The following CEP43 variants were observed in gnomAD, a reference collection of about 807,000 sequenced individuals.
CEP43 encodes the protein FGFR1 oncogene partner.
Under a neutral mutation model 52.6 loss-of-function variants are expected in CEP43, and 36 were observed. The observed-to-expected ratio is 0.68, with a 90% confidence interval of 0.52 to 0.90. The LOEUF is 0.90. CEP43 is among the 40% of genes least tolerant of loss of function. The probability of loss-of-function intolerance (pLI) is 0.00; values close to 1 mark genes in which losing one functional copy is unlikely to be tolerated. For synonymous variants in CEP43, 192 were observed against 172.4 expected (o/e 1.11, Z -0.89); for missense variants, 506 against 472.8 (o/e 1.07, Z -0.65).
rs533799165 is a variant in CEP43, at chr6:167,049,301, T to C, written c.*9323T>C. 33 of 152,256 alleles carry C rather than the reference T, an allele frequency of 2.2e-4. No homozygotes were observed. Among genetic ancestry groups the C allele is most frequent in the Admixed American group, 6.5e-4 (10 of 15,278 alleles). The allele number at this position is 152,256 out of a possible 1,614,324, so 9.4% of individuals were successfully genotyped here. On this transcript the variant is annotated 3_prime_UTR_variant, in exon 13 of 13. Transcript: ENST00000366847. ...TGAACTTCAAGTGCTATAAAACAAT[T>C]ACCACAGTAAATTTTGAAAAATTCA...
chr6:167,052,234 T>C lies in CEP43; in HGVS notation c.*12256T>C, dbSNP rs1780878013. ...GTCCTCTTCACTTGTTTTTGTGCTA[T>C]TATTGTTATACTTACTACCTCTGTA... is the stretch of plus-strand genomic sequence containing the variant. On this transcript the variant is annotated 3_prime_UTR_variant, in exon 13 of 13. Transcript: ENST00000366847. 6.6e-6 allele frequency: 1 copy of C among 152,206 alleles called. No individual in the cohort carries two copies. Among genetic ancestry groups the C allele is most frequent in the Non-Finnish European group, 1.5e-5 (1 of 68,046 alleles). The allele number at this position is 152,206 out of a possible 1,614,324, so 9.4% of individuals were successfully genotyped here.
At chr6:167,028,412 G>A in intron 10 of CEP43, 1 of 985,202 alleles carries the variant, frequency 1.0e-6, no homozygotes. Context: ...GGGTAGTTAT[G>A]CAGGTGAGAA....
Position 167,018,477 on chromosome 6 carries a change from A to T in CEP43, c.580-3932A>T, listed in dbSNP as rs566585687. On this transcript the variant is annotated intron_variant, in intron 7 of 12. Coordinates refer to ENST00000366847, the MANE Select transcript of CEP43 (RefSeq NM_007045.4). ...GCGATTACAGCTCACTGCAACCTCC[A>T]ACTTCCTGGTTCAAGCGATTCTCCT... Among the ~76,000 whole-genome samples, 16 of 152,052 alleles carry T rather than the reference A, an allele frequency of 1.1e-4. No individual in the cohort carries two copies. The South Asian group carries it at 2.1e-3, about 20-fold the overall frequency.
Position 167,040,708 on chromosome 6 carries a change from T to C in CEP43, c.*730T>C. ...TGTAAGCAGCTTTAGTCGTAGGTTC[T>C]CTTCATTATAATTTATTATCTGTAA... On this transcript the variant is annotated 3_prime_UTR_variant, in exon 13 of 13. Transcript: ENST00000366847. The C allele has an allele frequency of 9.8e-7, 1 of 1,018,166 alleles. No individual in the cohort carries two copies. Among genetic ancestry groups the C allele is most frequent in the African/African-American group, 1.7e-5 (1 of 58,858 alleles). 63.1% of individuals were successfully genotyped at this position (1,018,166 alleles called of 1,614,324 possible).
At position 167,039,937 on chromosome 6, in the gene CEP43, C is replaced by T; in HGVS notation, c.1159C>T (p.Gln387Ter). The T allele has an allele frequency of 6.2e-7, 1 of 1,613,582 alleles. No individual in the cohort carries two copies. ...CCTCACACAAGATCTGACTGTATCC[C>T]AGCTCAGTGATGTTGCGGATTATCT... is the stretch of plus-strand genomic sequence containing the variant. ...DDLTQDLTVS[Q>*]LSDVADYLED... Residue 387 changes from glutamine to a stop codon, truncating the protein, a stop_gained, in exon 13 of 13, where the codon CAG becomes TAG. Transcript: ENST00000366847. LOFTEE classifies it high-confidence loss of function.
At chr6:167,039,135 A>C (rs1366748234) in intron 12 of CEP43, among the ~76,000 whole-genome samples, 1 of 150,966 alleles carries the variant, frequency 6.6e-6, no homozygotes, top group Non-Finnish European at 1.5e-5. Flanking sequence ...TTATTTTGTT[A>C]CTTTTTTTTT....
Position 167,033,960 on chromosome 6 carries a change from A to T in CEP43, c.1114A>T (p.Thr372Ser). ...DLSVEIDDIN[T>S]SDKLDDLTQD... ...TTCTGTGGAAATAGATGACATCAAT[A>T]CCAGTGATAAGGTATGGTGTTCTGC... The change falls in exon 12 of 13, where the codon ACC (threonine) becomes TCC (serine). Residue 372 changes from threonine to serine, a missense_variant. Thr to Ser is a moderately conservative substitution (Grantham distance 58, BLOSUM62 1). Transcript: ENST00000366847. 6.6e-7 allele frequency: 1 copy of T among 1,524,946 alleles called. No homozygotes were observed. The highest frequency in any genetic ancestry group is 1.2e-5 in the South Asian group (1 of 86,134). The allele number at this position is 1,524,946 out of a possible 1,614,324, so 94.5% of individuals were successfully genotyped here.
intron 6 of CEP43, chr6:167,011,801 G>A (rs1272205932): frequency 3.9e-5 from 6 of 152,356 alleles, no homozygotes; most frequent in Non-Finnish European, 5.9e-5. Context: ...TGGAAAGAGG[G>A]TGAGAGAGCT....
intron 7 of CEP43, among the ~76,000 whole-genome samples, chr6:167,021,959 TTTCTC>T (rs1330832022): frequency 6.6e-6 from 1 of 152,226 alleles, no homozygotes; most frequent in Non-Finnish European, 1.5e-5. Context: ...TAATCTTTCT[TTTCTC>T]CTTTAATAAT....
intron 7 of CEP43, among the ~76,000 whole-genome samples, chr6:167,015,452 A>T (rs1420322629): frequency 6.6e-6 from 1 of 152,120 alleles, no homozygotes; most frequent in Non-Finnish European, 1.5e-5. Flanking sequence ...CATCATCCAG[A>T]TGCTATGTTG....
intron 5 of CEP43, among the ~76,000 whole-genome samples, chr6:167,005,473 A>G (rs1779830410): frequency 6.6e-6 from 1 of 152,226 alleles, no homozygotes; most frequent in Non-Finnish European, 1.5e-5. Context: ...ATTGAAGTCA[A>G]TTTTAAAGTG....
intron 9 of CEP43, among the ~76,000 whole-genome samples, chr6:167,025,724 G>A (rs971880677): frequency 6.6e-6 from 1 of 152,138 alleles, no homozygotes; most frequent in Non-Finnish European, 1.5e-5. Flanking sequence ...TATAATGTCC[G>A]CATCCCTTCC....
chr6:167,033,146 T>C (rs900431419), intron 11 of CEP43, among the ~76,000 whole-genome samples: 7 of 146,140 alleles, frequency 4.8e-5, no homozygotes, highest in African/African-American at 1.5e-4. Flanking sequence ...AGTCTCACTC[T>C]GTTGCCCACG....
intron 6 of CEP43, among the ~76,000 whole-genome samples, 172 bp downstream of exon 6, chr6:167,011,065 T>C (rs1417955852): frequency 1.3e-5 from 2 of 152,182 alleles, no homozygotes; most frequent in Non-Finnish European, 2.9e-5. Flanking sequence ...AAAAAAAGTT[T>C]TGCTTTGTTG....
chr6:167,041,068 G>T lies in CEP43; in HGVS notation c.*1090G>T. 2 of 1,035,252 alleles carry T rather than the reference G, an allele frequency of 1.9e-6. No homozygotes were observed. Among genetic ancestry groups the T allele is most frequent in the South Asian group, 9.2e-5 (2 of 21,714 alleles). 64.1% of individuals were successfully genotyped at this position (1,035,252 alleles called of 1,614,324 possible). On this transcript the variant is annotated 3_prime_UTR_variant, in exon 13 of 13. Transcript: ENST00000366847. ...GCATATTTATATATAAGTAAAGCAG[G>T]ATTGTGCTGTTTTTGCACTTTATAA... is the stretch of plus-strand genomic sequence containing the variant.
Position 167,035,727 on chromosome 6 carries a change from CA to C in CEP43, c.1125+1757del, listed in dbSNP as rs569519211. ...GACTACAGGCGCCTGCCACCACGCC[CA>C]GCTGATTTTTTGTATTTTTTTATAG... On this transcript the variant is annotated intron_variant, in intron 12 of 12. Transcript: ENST00000366847. Among the ~76,000 whole-genome samples the C allele has an allele frequency of 3.5e-3, 532 of 152,240 alleles. 5 individuals are homozygous for C. The highest frequency in any genetic ancestry group is 0.012 in the African/African-American group (486 of 41,556).
chr6:167,012,936 A>C (rs1231788546), intron 6 of CEP43, among the ~76,000 whole-genome samples: 4 of 152,344 alleles, frequency 2.6e-5, no homozygotes, highest in South Asian at 4.1e-4. Flanking sequence ...GTAGGGTTGC[A>C]TCTGTTCTAA....
chr6:167,038,575 C>G (rs1170906738), intron 12 of CEP43, among the ~76,000 whole-genome samples: 1 of 152,108 alleles, frequency 6.6e-6, no homozygotes, highest in Non-Finnish European at 1.5e-5. Context: ...CAGTTTTTCA[C>G]TAATTTGTTT....
chr6:167,035,637 G>T (rs2036832959), intron 12 of CEP43, among the ~76,000 whole-genome samples: 2 of 151,582 alleles, frequency 1.3e-5, no homozygotes, highest in South Asian at 4.2e-4. Flanking sequence ...CGCTATCTCA[G>T]CTCACTGCAA....
Sources: allele counts gnomAD v4.1 joint callset (sites outside exome capture counted in the v4.1 genomes callset), GRCh38; gene constraint gnomAD v4.1.1; transcripts MANE v1.5; gene names NCBI Gene and HGNC (gene_info 2026-07-23, HGNC 2026-07-21).